Variants in RERG observed in about 807,000 individuals in gnomAD.
RERG encodes RAS like estrogen regulated growth inhibitor, also known as ras-related and estrogen-regulated growth inhibitor.
Under a neutral mutation model 23.2 loss-of-function variants are expected in RERG, and 25 were observed. That is an observed-to-expected ratio of 1.08 (90% CI 0.79 to 1.50). The LOEUF (loss-of-function observed/expected upper bound fraction) is 1.50, where lower values mean the gene tolerates loss of function less well. Among genes scored for constraint, RERG ranks in the 40% most tolerant of loss-of-function variants. The pLI is 0.00. For missense variants in RERG, 253 were observed against 250.1 expected, an observed-to-expected ratio of 1.01 and a Z score of -0.08; for synonymous variants, 81 against 89.1, an observed-to-expected ratio of 0.91 and a Z score of 0.51.
At chr12:15,120,807 GT>G (rs1863817437) in intron 3 of RERG, among the ~76,000 whole-genome samples, 2 of 152,156 alleles carry the variant, frequency 1.3e-5, no homozygotes, top group Non-Finnish European at 2.9e-5. Flanking sequence ...TGAGGGAAGT[GT>G]GTTGTACCCA....
chr12:15,202,336 T>G (rs1393998738), intron 2 of RERG, among the ~76,000 whole-genome samples: 1 of 151,752 alleles, frequency 6.6e-6, no homozygotes, highest in Non-Finnish European at 1.5e-5. Flanking sequence ...TAACAAATTT[T>G]TAAGCGCACA....
chr12:15,173,094 A>G (rs1382334382), intron 2 of RERG, among the ~76,000 whole-genome samples: 3 of 152,008 alleles, frequency 2.0e-5, no homozygotes, highest in African/African-American at 7.2e-5. Flanking sequence ...TTATTCTAAA[A>G]ATTTATCATT....
intron 2 of RERG, among the ~76,000 whole-genome samples, chr12:15,209,112 C>G (rs932833345): frequency 1.3e-5 from 2 of 152,222 alleles, no homozygotes; most frequent in African/African-American, 4.8e-5. Context: ...GTGTATTCAT[C>G]TGGCCTTCAG....
intron 3 of RERG, among the ~76,000 whole-genome samples, chr12:15,111,907 C>T (rs780381566): frequency 1.3e-5 from 2 of 152,060 alleles, no homozygotes; most frequent in African/African-American, 2.4e-5. Context: ...AACTCCTGAC[C>T]TTAAGTGATC....
intron 2 of RERG, among the ~76,000 whole-genome samples, chr12:15,170,335 G>C (rs1038427042): frequency 6.6e-6 from 1 of 151,998 alleles, no homozygotes; most frequent in African/African-American, 2.4e-5. Context: ...GGGTAGTCTG[G>C]GTGTGTGTAG....
At chr12:15,109,587 G>C (rs939415413) in intron 4 of RERG, 70 bp from the exon 5 acceptor site, 14 of 1,216,722 alleles carry the variant, frequency 1.2e-5, no homozygotes, top group African/African-American at 1.5e-5. Context: ...TGGTAATGCT[G>C]ACAGTAATGC....
chr12:15,147,824 A>G (rs1291085982), intron 2 of RERG, among the ~76,000 whole-genome samples: 1 of 152,216 alleles, frequency 6.6e-6, no homozygotes, highest in Non-Finnish European at 1.5e-5. Context: ...TATACAATCA[A>G]AAATAAGTCT....
chr12:15,161,138 A>AAGAAAG (rs1864598711), intron 2 of RERG, among the ~76,000 whole-genome samples: 2 of 41,580 alleles, frequency 4.8e-5, no homozygotes, highest in Non-Finnish European at 9.1e-5. Flanking sequence ...CCATCTCAGA[A>AAGAAAG]AAAGAAAGAA....
intron 3 of RERG, 23 bp from the exon 4 acceptor site, chr12:15,111,440 A>AAGAC: frequency 6.4e-7 from 1 of 1,559,666 alleles, no homozygotes; most frequent in Non-Finnish European, 8.8e-7. Flanking sequence ...GCAAATAAAA[A>AAGAC]AGACAAAAAG....
At chr12:15,191,122 A>G (rs908306136) in intron 2 of RERG, among the ~76,000 whole-genome samples, 2 of 152,114 alleles carry the variant, frequency 1.3e-5, no homozygotes, top group Non-Finnish European at 2.9e-5. Context: ...ACACTCAAGG[A>G]GAGAGGACAG....
intron 2 of RERG, among the ~76,000 whole-genome samples, chr12:15,147,256 A>G (rs1565518883): frequency 1.3e-5 from 2 of 152,232 alleles, no homozygotes; most frequent in Admixed American, 6.5e-5. Context: ...CCTTACATTA[A>G]TATTAGAAAT....
chr12:15,157,958 TACAC>T (rs1317244441), intron 2 of RERG, among the ~76,000 whole-genome samples: 1 of 152,154 alleles, frequency 6.6e-6, no homozygotes, highest in African/African-American at 2.4e-5. Context: ...TAAATATATA[TACAC>T]ACATTCATAT....
chr12:15,126,151 A>ATT (rs1310719730), intron 2 of RERG, among the ~76,000 whole-genome samples: 1 of 139,592 alleles, frequency 7.2e-6, no homozygotes, highest in Non-Finnish European at 1.6e-5. Flanking sequence ...ATATATATAT[A>ATT]TGTATTTACA....
intron 2 of RERG, among the ~76,000 whole-genome samples, chr12:15,181,838 T>C (rs964586559): frequency 6.6e-6 from 1 of 152,114 alleles, no homozygotes; most frequent in African/African-American, 2.4e-5. Context: ...TAGAACCAAG[T>C]GGAAAATACC....
chr12:15,164,429 C>G (rs1591654426), intron 2 of RERG, among the ~76,000 whole-genome samples: 1 of 151,782 alleles, frequency 6.6e-6, no homozygotes, highest in African/African-American at 2.4e-5. Context: ...ATTCCCACTT[C>G]CAAGGGACAT....
chr12:15,153,545 G>C (rs79096778), intron 2 of RERG, among the ~76,000 whole-genome samples: 1,810 of 152,192 alleles, frequency 0.012, 13 homozygotes, highest in South Asian at 0.021. Context: ...GATTTATAAG[G>C]AACTAGAGAA....
intron 3 of RERG, among the ~76,000 whole-genome samples, chr12:15,117,472 G>A (rs111876300): frequency 6.8e-4 from 104 of 152,238 alleles, no homozygotes; most frequent in African/African-American, 2.4e-3. Flanking sequence ...ACGATTCCAA[G>A]CAGCAGGAGT....
In RERG at chr12:15,109,371, G is replaced by A. The variant is rs150183934; in HGVS notation, c.339C>T (p.Leu113=). The change falls in exon 5 of 5, where the codon CTC becomes CTT. Residue 113 remains leucine, a synonymous_variant. Coordinates refer to ENST00000256953, the MANE Select transcript of RERG (RefSeq NM_032918.3). The part of the protein sequence containing the change: ...DEIKKPKNVT[L]ILVGNKADLD... ...AGTCAGCTTTGTTTCCAACCAAGAT[G>A]AGAGTCACATTCTTGGGCTTTTTGA... The A allele has an allele frequency of 5.0e-6, 8 of 1,613,940 alleles. No individual in the cohort carries two copies. The highest frequency in any genetic ancestry group is 1.3e-5 in the African/African-American group (1 of 74,872).
intron 2 of RERG, among the ~76,000 whole-genome samples, chr12:15,205,670 T>C (rs1865273985): frequency 6.6e-6 from 1 of 152,056 alleles, no homozygotes; most frequent in South Asian, 2.1e-4. Flanking sequence ...AGTCACAATT[T>C]TTTATTTGTA....
Sources: gnomAD v4.1 joint callset for allele counts (sites outside exome capture counted in the v4.1 genomes callset) on GRCh38, gnomAD v4.1.1 for gene constraint, MANE v1.5 for transcripts, NCBI Gene and HGNC (gene_info 2026-07-23, HGNC 2026-07-21) for gene names.